The following DENND1A variants were observed in gnomAD, a reference collection of about 807,000 sequenced individuals.
DENND1A encodes the protein DENN domain containing 1A, also known as DENN domain-containing protein 1A.
DENND1A carries 51 observed loss-of-function variants against 113.7 expected under a neutral mutation model. That is an observed-to-expected ratio of 0.45 (90% CI 0.36 to 0.57). The LOEUF is 0.57. DENND1A is among the 20% of genes least tolerant of loss of function. DENND1A has a pLI of 0.00. For synonymous variants in DENND1A, 565 were observed against 570.8 expected (o/e 0.99, Z 0.14); for missense variants, 1,258 against 1,395.9 (o/e 0.90, Z 1.57).
intron 8 of DENND1A, among the ~76,000 whole-genome samples, chr9:123,665,695 T>C (rs1252631980): frequency 6.6e-6 from 1 of 152,222 alleles, no homozygotes. Context: ...TATTCAAGTA[T>C]ATCCCCAAAA....
intron 13 of DENND1A, among the ~76,000 whole-genome samples, chr9:123,500,551 A>C (rs1240379402): frequency 6.6e-6 from 1 of 152,194 alleles, no homozygotes. Context: ...ACACCTGTGA[A>C]GCCTATCCTG....
chr9:123,837,822 T>TA (rs1841262779), intron 2 of DENND1A, among the ~76,000 whole-genome samples: 1 of 152,210 alleles, frequency 6.6e-6, no homozygotes, highest in South Asian at 2.1e-4. Flanking sequence ...CCTGATGGCA[T>TA]AAAACATATA....
chr9:123,799,915 A>T (rs1370009872), intron 2 of DENND1A, among the ~76,000 whole-genome samples: 1 of 152,232 alleles, frequency 6.6e-6, no homozygotes, highest in Non-Finnish European at 1.5e-5. Context: ...TTGTTATATT[A>T]TTAACCCCAA....
At chr9:123,474,848 C>G (rs892416083) in intron 13 of DENND1A, among the ~76,000 whole-genome samples, 4 of 152,134 alleles carry the variant, frequency 2.6e-5, no homozygotes, top group Admixed American at 2.6e-4. Context: ...AAGGCTGAGG[C>G]TGAGGAAGAG....
At chr9:123,915,492 G>T (rs1854918367) in intron 1 of DENND1A, among the ~76,000 whole-genome samples, 1 of 152,100 alleles carries the variant, frequency 6.6e-6, no homozygotes, top group Non-Finnish European at 1.5e-5. Flanking sequence ...TACAAAGTGT[G>T]AAATCAAAAG....
At chr9:123,852,667 A>G (rs1327899738) in intron 2 of DENND1A, among the ~76,000 whole-genome samples, 1 of 152,174 alleles carries the variant, frequency 6.6e-6, no homozygotes, top group Non-Finnish European at 1.5e-5. Context: ...GCCTCAGTTA[A>G]ACATTTAGGA....
intron 2 of DENND1A, among the ~76,000 whole-genome samples, chr9:123,796,756 T>TACACACACACAAAC (rs761046158): frequency 3.0e-4 from 42 of 141,600 alleles, no homozygotes; most frequent in Non-Finnish European, 6.1e-4. Flanking sequence ...TATGTGTACA[T>TACACACACACAAAC]ACACACACAC....
At chr9:123,597,333 T>C (rs1329638946) in intron 11 of DENND1A, among the ~76,000 whole-genome samples, 1 of 152,188 alleles carries the variant, frequency 6.6e-6, no homozygotes, top group South Asian at 2.1e-4. Flanking sequence ...ACACTTTAAA[T>C]TTCAGAAATG....
At chr9:123,614,933 A>C (rs1050458644) in intron 10 of DENND1A, among the ~76,000 whole-genome samples, 1 of 152,204 alleles carries the variant, frequency 6.6e-6, no homozygotes, top group African/African-American at 2.4e-5. Context: ...GTAAACACAG[A>C]TTGTCTTGTG....
intron 13 of DENND1A, among the ~76,000 whole-genome samples, chr9:123,550,922 C>G (rs184485247): frequency 1.6e-4 from 24 of 152,310 alleles, no homozygotes; most frequent in African/African-American, 4.8e-4. Flanking sequence ...AGGACCCCAG[C>G]CCTAACTAGT....
intron 19 of DENND1A, among the ~76,000 whole-genome samples, chr9:123,414,843 C>T (rs916545142): frequency 1.3e-5 from 2 of 152,206 alleles, no homozygotes; most frequent in African/African-American, 4.8e-5. Context: ...CCACAGCACA[C>T]CGGCTGTCGT....
chr9:123,521,068 T>C (rs1454719642), intron 13 of DENND1A, among the ~76,000 whole-genome samples: 1 of 152,076 alleles, frequency 6.6e-6, no homozygotes, highest in African/African-American at 2.4e-5. Flanking sequence ...GCTGCTGGAG[T>C]ACAGGTTCTT....
At chr9:123,418,578 G>A (rs2044949062) in intron 19 of DENND1A, among the ~76,000 whole-genome samples, 3 of 152,238 alleles carry the variant, frequency 2.0e-5, no homozygotes, top group African/African-American at 7.2e-5. Flanking sequence ...CGGCCAGGTG[G>A]TGACTTGGGG....
chr9:123,791,237 T>A (rs1324048748), intron 3 of DENND1A, among the ~76,000 whole-genome samples: 1 of 152,150 alleles, frequency 6.6e-6, no homozygotes, highest in Non-Finnish European at 1.5e-5. Context: ...TGGACTCAAG[T>A]GTATTCTAAA....
chr9:123,913,983 C>T (rs1854583073), intron 1 of DENND1A, among the ~76,000 whole-genome samples: 1 of 151,490 alleles, frequency 6.6e-6, no homozygotes, highest in African/African-American at 2.4e-5. Context: ...GGCAGCAGTG[C>T]AGACATGGTC....
intron 5 of DENND1A, among the ~76,000 whole-genome samples, chr9:123,737,104 T>C (rs564891983): frequency 2.0e-5 from 3 of 152,330 alleles, no homozygotes; most frequent in South Asian, 4.1e-4. Context: ...AAAATTATTA[T>C]TGTGCTAGGT....
chr9:123,542,099 G>C (rs1202386807), intron 13 of DENND1A, among the ~76,000 whole-genome samples: 1 of 152,144 alleles, frequency 6.6e-6, no homozygotes, highest in Non-Finnish European at 1.5e-5. Context: ...CTAATAAAAC[G>C]TCAGCAAATT....
At chr9:123,754,277 G>A (rs1384351637) in intron 5 of DENND1A, among the ~76,000 whole-genome samples, 1 of 152,096 alleles carries the variant, frequency 6.6e-6, no homozygotes, top group Non-Finnish European at 1.5e-5. Flanking sequence ...ACTCCCCAGT[G>A]GATACACCGT....
intron 20 of DENND1A, among the ~76,000 whole-genome samples, chr9:123,406,078 C>T (rs574806867): frequency 6.4e-4 from 97 of 152,208 alleles, no homozygotes; most frequent in Non-Finnish European, 1.1e-3. Context: ...GTACCCCCCA[C>T]CCCCCAGAAG....
Sources: gnomAD v4.1 joint callset for allele counts (sites outside exome capture counted in the v4.1 genomes callset) on GRCh38, gnomAD v4.1.1 for gene constraint, MANE v1.5 for transcripts, NCBI Gene and HGNC (gene_info 2026-07-23, HGNC 2026-07-21) for gene names.